FBXO16: variants seen among roughly 807,000 people sequenced by gnomAD.
The protein encoded by FBXO16 is F-box protein 16, also known as F-box only protein 16.
A neutral mutation model predicts 41.0 loss-of-function variants in FBXO16; 31 were observed. The observed-to-expected ratio is 0.76, with a 90% confidence interval of 0.57 to 1.02. The LOEUF (loss-of-function observed/expected upper bound fraction) is 1.02, where lower values mean the gene tolerates loss of function less well. FBXO16 is among the 50% of genes least tolerant of loss of function. The probability of loss-of-function intolerance (pLI) is 0.00; values close to 1 mark genes in which losing one functional copy is unlikely to be tolerated. For synonymous variants in FBXO16, 133 were observed against 117.8 expected (o/e 1.13, Z -0.84); for missense variants, 361 against 346.2 (o/e 1.04, Z -0.34).
At chr8:28,478,801 A>G (rs565131513) in intron 2 of FBXO16, among the ~76,000 whole-genome samples, 7 of 146,462 alleles carry the variant, frequency 4.8e-5, no homozygotes, top group African/African-American at 1.5e-4. Flanking sequence ...CAGCCTGGGC[A>G]ACACAATGAA....
chr8:28,483,235 C>T, intron 2 of FBXO16, 113 bp downstream of exon 2: 1 of 959,804 alleles, frequency 1.0e-6, no homozygotes, highest in Non-Finnish European at 1.5e-6. Flanking sequence ...GGTTTTTATT[C>T]ATCCATTACA....
chr8:28,443,554 C>T (rs748883879), intron 7 of FBXO16, among the ~76,000 whole-genome samples: 4 of 152,134 alleles, frequency 2.6e-5, no homozygotes, highest in Non-Finnish European at 4.4e-5. Context: ...CTGAAATCTT[C>T]CTCCATAAAC....
chr8:28,450,602 C>G (rs1368443737), intron 6 of FBXO16, among the ~76,000 whole-genome samples: 3 of 152,176 alleles, frequency 2.0e-5, no homozygotes, highest in Non-Finnish European at 4.4e-5. Flanking sequence ...TTTTCTGTCA[C>G]CAACCTGACT....
intron 2 of FBXO16, among the ~76,000 whole-genome samples, chr8:28,476,824 C>A (rs1006499973): frequency 6.6e-6 from 1 of 152,024 alleles, no homozygotes; most frequent in Non-Finnish European, 1.5e-5. Context: ...TGAACCATAC[C>A]GTAAAAGAAA....
chr8:28,460,423 A>ATTTTTTTTTTTTTTTTT lies in FBXO16; in HGVS notation c.342+3172_342+3188dup, dbSNP rs1174276709. On this transcript the variant is annotated intron_variant, in intron 4 of 8. Coordinates refer to ENST00000380254, the MANE Select transcript of FBXO16 (RefSeq NM_172366.4). ...TAGGCACATGCGCTATACCTGGCTA[A>ATTTTTTTTTTTTTTTTT]TTTTTTTTTTTTTTTTTTTTTTGAG... Among the ~76,000 whole-genome samples the ATTTTTTTTTTTTTTTTT allele has an allele frequency of 4.8e-5, 4 of 82,498 alleles. 1 individual carries two copies. The highest frequency in any genetic ancestry group is 2.5e-4 in the African/African-American group (4 of 15,906). The allele number at this position is 82,498 out of a possible 152,430, so 54.1% of individuals were successfully genotyped here.
chr8:28,447,016 C>G, intron 7 of FBXO16, 155 bp downstream of exon 7: 1 of 615,998 alleles, frequency 1.6e-6, no homozygotes, highest in East Asian at 2.8e-5. Context: ...TCTTCAAGGT[C>G]ATGGCTTCTC....
At chr8:28,456,243 A>G (rs1263095612) in intron 5 of FBXO16, among the ~76,000 whole-genome samples, 1 of 152,238 alleles carries the variant, frequency 6.6e-6, no homozygotes, top group Admixed American at 6.5e-5. Context: ...GAATATATGT[A>G]AGTGCTCTAC....
intron 7 of FBXO16, among the ~76,000 whole-genome samples, chr8:28,432,550 T>C (rs1413795129): frequency 2.0e-5 from 3 of 152,116 alleles, no homozygotes; most frequent in African/African-American, 4.8e-5. Context: ...CCCTAGTCTT[T>C]CAATGGCTGT....
At chr8:28,484,722 G>T (rs950357371) in intron 1 of FBXO16, among the ~76,000 whole-genome samples, 3 of 152,166 alleles carry the variant, frequency 2.0e-5, no homozygotes, top group African/African-American at 7.2e-5. Flanking sequence ...CTCCCGGGTA[G>T]CTGGGACTAC....
At chr8:28,457,635 C>G (rs532986285) in intron 4 of FBXO16, among the ~76,000 whole-genome samples, 12 of 152,122 alleles carry the variant, frequency 7.9e-5, no homozygotes, top group Non-Finnish European at 1.6e-4. Context: ...GGGGAAACCA[C>G]CCCCATGGTT....
chr8:28,473,918 G>T, intron 2 of FBXO16, 111 bp from the exon 3 acceptor site: 1 of 817,866 alleles, frequency 1.2e-6, no homozygotes, highest in South Asian at 1.7e-5. Flanking sequence ...TGTATCAACT[G>T]AATATTAAAA....
chr8:28,489,084 A>G (rs931658508), intron 1 of FBXO16, among the ~76,000 whole-genome samples: 1 of 152,080 alleles, frequency 6.6e-6, no homozygotes, highest in African/African-American at 2.4e-5. Context: ...ACTTGTAGAA[A>G]TGTTTGGGAG....
In FBXO16 at chr8:28,476,694, C is replaced by T. The variant is rs578247235; in HGVS notation, c.100-2887G>A. On this transcript the variant is annotated intron_variant, in intron 2 of 8. Transcript: ENST00000380254. ...TTGACACTGTAGTTACATATTTTAC[C>T]GTGTGACATCATTACAATGTAGGAG... 6.6e-5 allele frequency among the ~76,000 whole-genome samples: 10 copies of T among 152,132 alleles called. No homozygotes were observed. In the South Asian group the frequency reaches 1.2e-3, roughly 19 times the overall value.
rs1290239038 is a variant in FBXO16, at chr8:28,432,495, A to AAAC, written c.844-3095_844-3093dup. Among the ~76,000 whole-genome samples, 825 of 151,650 alleles carry AAAC rather than the reference A, an allele frequency of 5.4e-3. 4 individuals carry two copies. The highest frequency in any genetic ancestry group is 0.019 in the African/African-American group (775 of 41,138). ...TCTCAAAACAAAACAAAACAAAACA[A>AAAC]AACAACAACAACAACAAAAACCCAA... On this transcript the variant is annotated intron_variant, in intron 7 of 8. Transcript: ENST00000380254.
At chr8:28,469,187 C>T (rs1244858842) in intron 3 of FBXO16, among the ~76,000 whole-genome samples, 5 of 151,980 alleles carry the variant, frequency 3.3e-5, no homozygotes, top group Admixed American at 2.6e-4. Context: ...GTGGCACATG[C>T]CTGTAATCCC....
chr8:28,484,617 A>G (rs1199573840), intron 1 of FBXO16, among the ~76,000 whole-genome samples: 1 of 152,194 alleles, frequency 6.6e-6, no homozygotes, highest in Non-Finnish European at 1.5e-5. Flanking sequence ...TTTGAGACAG[A>G]GTCTCGCTCT....
intron 2 of FBXO16, among the ~76,000 whole-genome samples, chr8:28,481,432 C>T (rs1803510879): frequency 6.6e-6 from 1 of 152,052 alleles, no homozygotes; most frequent in Non-Finnish European, 1.5e-5. Context: ...AAGCAAATTA[C>T]ATATGGAGGC....
intron 4 of FBXO16, among the ~76,000 whole-genome samples, chr8:28,457,485 G>A (rs1210370249): frequency 6.6e-6 from 1 of 152,156 alleles, no homozygotes; most frequent in African/African-American, 2.4e-5. Context: ...GGCTGGGGAG[G>A]CCTCACAATC....
intron 3 of FBXO16, among the ~76,000 whole-genome samples, chr8:28,467,512 T>C (rs1803264403): frequency 6.6e-6 from 1 of 152,254 alleles, no homozygotes; most frequent in Non-Finnish European, 1.5e-5. Flanking sequence ...CATGACTCAT[T>C]GTAGACATGG....
Sources: allele counts gnomAD v4.1 joint callset (sites outside exome capture counted in the v4.1 genomes callset), GRCh38; gene constraint gnomAD v4.1.1; transcripts MANE v1.5; gene names NCBI Gene and HGNC (gene_info 2026-07-23, HGNC 2026-07-21).